Variants in DACT2 observed in about 807,000 individuals in gnomAD.
The protein encoded by DACT2 is dapper homolog 2.
A neutral mutation model predicts 22.2 loss-of-function variants in DACT2; 20 were observed. The observed-to-expected ratio is 0.90, with a 90% confidence interval of 0.63 to 1.31. The LOEUF is 1.31. Among genes scored for constraint, DACT2 ranks in the 50% most tolerant of loss-of-function variants. DACT2 has a pLI of 0.00. For missense variants in DACT2, 1,048 were observed against 1,061.4 expected (o/e 0.99, Z 0.18); for synonymous variants, 463 against 479.8 (o/e 0.96, Z 0.46).
chr6:168,308,123 C>T lies in DACT2; in HGVS notation c.1634G>A (p.Gly545Glu). Residue 545 changes from glycine to glutamate, a missense_variant, in exon 4 of 4, where the codon GGG becomes GAG. By Grantham distance (98) the Gly-to-Glu change is moderately conservative. Coordinates refer to ENST00000366795, the MANE Select transcript of DACT2 (RefSeq NM_214462.5). ...GGCCAGGGCTGGCCTCCGCTGGAGC[C>T]CGCCCCTCCCTGTGGGCCAGTGGGC... is the stretch of plus-strand genomic sequence containing the variant. ...DPAHWPTGRG[G>E]LQRRPALAWE... The T allele has an allele frequency of 6.5e-7, 1 of 1,548,124 alleles. No individual in the cohort carries two copies. Among genetic ancestry groups the T allele is most frequent in the Non-Finnish European group, 8.7e-7 (1 of 1,145,360 alleles).
intron 3 of DACT2, among the ~76,000 whole-genome samples, chr6:168,301,374 G>C (rs910782338): frequency 6.6e-6 from 1 of 152,206 alleles, no homozygotes. Flanking sequence ...AGGCTGGATC[G>C]TATCTAAAAG....
chr6:168,295,281 G>A (rs1015217386), intron 3 of DACT2, among the ~76,000 whole-genome samples: 4 of 152,178 alleles, frequency 2.6e-5, no homozygotes, highest in Non-Finnish European at 4.4e-5. Flanking sequence ...ATAACCTTTG[G>A]CTGCTTAAAT....
Position 168,307,102 on chromosome 6 carries a change from G to A in DACT2, c.*330C>T, listed in dbSNP as rs988592428. On this transcript the variant is annotated 3_prime_UTR_variant, in exon 4 of 4. Coordinates refer to ENST00000366795, the MANE Select transcript of DACT2 (RefSeq NM_214462.5). This position sits in a 1 kb window ranked among gnomAD's most constrained non-coding sequence, Gnocchi z 5.3. The stretch of plus-strand genomic sequence containing the variant: ...CACTTCCCCAGCCAGAGGGGAGTGA[G>A]GGCAGGGGAAGCCATGGGAGGATGA... 5 of 1,113,060 alleles carry A rather than the reference G, an allele frequency of 4.5e-6. No homozygotes were observed. In the African/African-American group the frequency reaches 6.6e-5, roughly 15 times the overall value. 68.9% of individuals were successfully genotyped at this position (1,113,060 alleles called of 1,614,324 possible).
At chr6:168,296,039 G>A (rs892198718) in intron 3 of DACT2, among the ~76,000 whole-genome samples, 9 of 149,450 alleles carry the variant, frequency 6.0e-5, no homozygotes, top group African/African-American at 2.2e-4. Flanking sequence ...ATCACGGAAA[G>A]AGCAGATCCA....
In DACT2 at chr6:168,308,569, C is replaced by CCTGCCGGCACCT; in HGVS notation, c.1187_1188insAGGTGCCGGCAG (p.Ala398_Gly401dup). The stretch of plus-strand genomic sequence containing the variant: ...GCTGGGGCCCGCCCCTGCCGGCACC[C>CCTGCCGGCACCT]CTGCTCTGAGCTGGCCCTCCCTCGT... On this transcript the variant is annotated inframe_insertion, in exon 4 of 4. Transcript: ENST00000366795. 1 of 1,548,964 alleles carries CCTGCCGGCACCT rather than the reference C, an allele frequency of 6.5e-7. No individual in the cohort carries two copies. Among genetic ancestry groups the CCTGCCGGCACCT allele is most frequent in the South Asian group, 1.2e-5 (1 of 84,058 alleles).
chr6:168,306,924 G>A lies in DACT2; in HGVS notation c.*508C>T, dbSNP rs1310206837. 7.1e-6 allele frequency: 7 copies of A among 990,344 alleles called. No homozygotes were observed. Among genetic ancestry groups the A allele is most frequent in the Non-Finnish European group, 8.4e-6 (7 of 832,858 alleles). 61.3% of individuals were successfully genotyped at this position (990,344 alleles called of 1,614,324 possible). ...AGAGGTTAAAAGAGGGAAAAAAAAT[G>A]TTCCTTTTATTTGAGATCATGGCAT... On this transcript the variant is annotated 3_prime_UTR_variant, in exon 4 of 4. Coordinates refer to ENST00000366795, the MANE Select transcript of DACT2 (RefSeq NM_214462.5).
chr6:168,310,126 G>T, intron 3 of DACT2, 42 bp downstream of exon 3: 2 of 1,544,386 alleles, frequency 1.3e-6, no homozygotes, highest in Non-Finnish European at 8.7e-7. Context: ...GCCATCCCCT[G>T]TGCCTGAGAT....
chr6:168,295,109 A>C (rs1298866978), intron 3 of DACT2, among the ~76,000 whole-genome samples: 1 of 152,058 alleles, frequency 6.6e-6, no homozygotes, highest in East Asian at 1.9e-4. Flanking sequence ...AGCCACTCCA[A>C]CTGTTCTCCT....
At chr6:168,311,663 CACACATAT>C (rs1445871546) in intron 1 of DACT2, among the ~76,000 whole-genome samples, 5 of 151,694 alleles carry the variant, frequency 3.3e-5, no homozygotes, top group East Asian at 3.9e-4. Flanking sequence ...CACACCCATA[CACACATAT>C]ACACACACAC....
downstream of DACT2, among the ~76,000 whole-genome samples, chr6:168,305,106 AAG>A (rs2114899965): frequency 6.6e-6 from 1 of 152,224 alleles, no homozygotes; most frequent in South Asian, 2.1e-4. Context: ...ATTATTGAGG[AAG>A]AGAGAGAGGA....
chr6:168,303,240 TAA>T (rs1348663450), downstream of DACT2, among the ~76,000 whole-genome samples: 1 of 152,208 alleles, frequency 6.6e-6, no homozygotes, highest in Non-Finnish European at 1.5e-5. Flanking sequence ...GATTCTGTCA[TAA>T]GAGGGCTCTG....
chr6:168,294,189 A>G (rs1229851267), exon 5 of DACT2: 2 of 702,904 alleles, frequency 2.8e-6, no homozygotes, highest in Non-Finnish European at 5.2e-6. Flanking sequence ...CTCAAACCAG[A>G]ACCTACACCT....
At chr6:168,305,283 G>A (rs1289669535), downstream of DACT2, among the ~76,000 whole-genome samples, 1 of 152,144 alleles carries the variant, frequency 6.6e-6, no homozygotes, top group African/African-American at 2.4e-5. Context: ...GAATTCGCTT[G>A]GCTGGAATGC....
chr6:168,310,883 G>C (rs1029295594), intron 2 of DACT2, among the ~76,000 whole-genome samples: 1 of 152,176 alleles, frequency 6.6e-6, no homozygotes, highest in Non-Finnish European at 1.5e-5. Context: ...CAGGCCTCCT[G>C]AGTGCAATAA....
chr6:168,305,357 C>CGGGGACT (rs1779183037), downstream of DACT2, among the ~76,000 whole-genome samples: 1 of 152,008 alleles, frequency 6.6e-6, no homozygotes, highest in African/African-American at 2.4e-5. Flanking sequence ...TTCTAAAAGA[C>CGGGGACT]GGGCACTGTC....
chr6:168,315,712 G>C (rs9456051), intron 1 of DACT2, among the ~76,000 whole-genome samples: 23,558 of 152,182 alleles, frequency 0.15, 2,393 homozygotes, highest in African/African-American at 0.29. Flanking sequence ...CCTGCAAATG[G>C]TAACAATCGT....
downstream of DACT2, among the ~76,000 whole-genome samples, chr6:168,305,566 A>C (rs762112797): frequency 6.6e-6 from 1 of 151,920 alleles, no homozygotes; most frequent in Non-Finnish European, 1.5e-5. Flanking sequence ...AGTGAGCAGA[A>C]TGTGTGACTC....
In DACT2 at chr6:168,309,141, AT is replaced by A. The variant is rs1779322330; in HGVS notation, c.659-44del. The A allele has an allele frequency of 2.0e-6, 3 of 1,466,778 alleles. No homozygotes were observed. The African/African-American group carries it at 4.2e-5, about 21-fold the overall frequency. The allele number at this position is 1,466,778 out of a possible 1,614,324, so 90.9% of individuals were successfully genotyped here. ...GAACAAACACGTAACTACGGAGACG[AT>A]TTAGTGCACTGTTGATTTCATTTCA... On this transcript the variant is annotated intron_variant, in intron 3 of 3. Coordinates refer to ENST00000366795, the MANE Select transcript of DACT2 (RefSeq NM_214462.5).
intron 3 of DACT2, among the ~76,000 whole-genome samples, chr6:168,296,025 C>T (rs544522118): frequency 1.9e-4 from 28 of 149,788 alleles, no homozygotes; most frequent in African/African-American, 6.4e-4. Flanking sequence ...GACAGACACC[C>T]GGAATCACGG....
Sources: gnomAD v4.1 joint callset for allele counts (sites outside exome capture counted in the v4.1 genomes callset) on GRCh38, gnomAD v4.1.1 for gene constraint, Gnocchi (gnomAD v3.1) non-coding constraint, MANE v1.5 for transcripts, NCBI Gene and HGNC (gene_info 2026-07-23, HGNC 2026-07-21) for gene names.